TSNARE1: variants seen among roughly 807,000 people sequenced by gnomAD.
The protein encoded by TSNARE1 is t-SNARE domain containing 1.
Under a neutral mutation model 62.0 loss-of-function variants are expected in TSNARE1, and 49 were observed. The ratio of observed to expected loss-of-function variants is 0.79; its 90% confidence interval spans 0.63 to 1.00. TSNARE1 has a LOEUF of 1.00. TSNARE1 is among the 50% of genes least tolerant of loss of function. The pLI, the probability that TSNARE1 is intolerant of heterozygous loss-of-function variation, is 0.00. For synonymous variants in TSNARE1, 328 were observed against 294.4 expected, an observed-to-expected ratio of 1.11 and a Z score of -1.17; for missense variants, 755 against 700.1, an observed-to-expected ratio of 1.08 and a Z score of -0.88.
At chr8:142,304,834 G>C (rs898935941) in intron 9 of TSNARE1, among the ~76,000 whole-genome samples, 1 of 152,200 alleles carries the variant, frequency 6.6e-6, no homozygotes, top group Non-Finnish European at 1.5e-5. Context: ...TCCTCCCAGG[G>C]GGGACATGGC....
chr8:142,275,194 G>A, intron 11 of TSNARE1: 1 of 985,418 alleles, frequency 1.0e-6, no homozygotes, highest in Non-Finnish European at 1.2e-6. Context: ...GCTCTGTCAT[G>A]ACCTTGCCTG....
chr8:142,222,291 C>CA (rs1235562643), intron 13 of TSNARE1, among the ~76,000 whole-genome samples: 487 of 23,734 alleles, frequency 0.021, 153 homozygotes, highest in Non-Finnish European at 0.031. Context: ...CTCATTCACT[C>CA]TCACTCATTC....
chr8:142,330,157 A>G (rs1830806241), intron 6 of TSNARE1, among the ~76,000 whole-genome samples: 1 of 152,234 alleles, frequency 6.6e-6, no homozygotes, highest in African/African-American at 2.4e-5. Context: ...AGGGCGGGAC[A>G]CAGGCCAGCA....
chr8:142,399,705 A>G (rs1458303268), intron 1 of TSNARE1, among the ~76,000 whole-genome samples: 1 of 152,194 alleles, frequency 6.6e-6, no homozygotes, highest in Non-Finnish European at 1.5e-5. Context: ...GACAGGGCTG[A>G]GCATCCCAGC....
chr8:142,270,960 T>G, intron 12 of TSNARE1: 1 of 985,506 alleles, frequency 1.0e-6, no homozygotes, highest in Non-Finnish European at 1.2e-6. Context: ...TCCGGTCTCC[T>G]GGACTGGAGT....
intron 5 of TSNARE1, among the ~76,000 whole-genome samples, chr8:142,331,545 A>C (rs1182590013): frequency 6.6e-6 from 1 of 152,126 alleles, no homozygotes; most frequent in Non-Finnish European, 1.5e-5. Context: ...CCACCCATGA[A>C]ACCCGGGACT....
chr8:142,247,235 C>T (rs1019665101), intron 12 of TSNARE1, among the ~76,000 whole-genome samples: 1 of 152,194 alleles, frequency 6.6e-6, no homozygotes, highest in Non-Finnish European at 1.5e-5. Context: ...ATGAGAACGG[C>T]TGCCTGGACT....
At chr8:142,356,593 G>C (rs1314668338) in intron 1 of TSNARE1, among the ~76,000 whole-genome samples, 3 of 152,222 alleles carry the variant, frequency 2.0e-5, no homozygotes, top group Admixed American at 2.0e-4. Flanking sequence ...CAGCGTGGAG[G>C]AAACAGACAC....
intron 9 of TSNARE1, among the ~76,000 whole-genome samples, chr8:142,311,544 A>G (rs12678581): frequency 0.54 from 81,657 of 151,188 alleles, 23,376 homozygotes; most frequent in African/African-American, 0.74. Flanking sequence ...TGATCCACCC[A>G]CCTCGGCCTC....
intron 11 of TSNARE1, chr8:142,277,070 CTCCAATACCTCA>C: frequency 1.0e-6 from 1 of 985,384 alleles, no homozygotes; most frequent in Non-Finnish European, 1.2e-6. Flanking sequence ...CTGAGCGACA[CTCCAATACCTCA>C]TCAGCCATCA....
chr8:142,344,686 G>A (rs995321004), intron 3 of TSNARE1, among the ~76,000 whole-genome samples: 1 of 152,186 alleles, frequency 6.6e-6, no homozygotes, highest in Non-Finnish European at 1.5e-5. Flanking sequence ...CAGCAAGCAC[G>A]TAGCTTCTGG....
At chr8:142,236,513 C>T (rs1817432313) in intron 12 of TSNARE1, among the ~76,000 whole-genome samples, 1 of 149,182 alleles carries the variant, frequency 6.7e-6, no homozygotes, top group African/African-American at 2.4e-5. Context: ...CAAGTTGGCC[C>T]CCCTCCCCTG....
intron 1 of TSNARE1, among the ~76,000 whole-genome samples, chr8:142,365,380 T>C (rs1292126456): frequency 6.6e-6 from 1 of 152,230 alleles, no homozygotes; most frequent in Non-Finnish European, 1.5e-5. Flanking sequence ...TTCATGTTAC[T>C]AAAAAGGACG....
intron 10 of TSNARE1, among the ~76,000 whole-genome samples, chr8:142,293,886 G>A (rs1329643251): frequency 2.0e-5 from 3 of 152,204 alleles, no homozygotes; most frequent in Non-Finnish European, 4.4e-5. Context: ...CGGGAGAGGA[G>A]GGGCCACACT....
chr8:142,344,010 C>CA lies in TSNARE1; in HGVS notation c.700dup (p.Cys234LeufsTer57). 6.4e-7 allele frequency: 1 copy of CA among 1,555,608 alleles called. No individual in the cohort carries two copies. Among genetic ancestry groups the CA allele is most frequent in the Non-Finnish European group, 8.7e-7 (1 of 1,149,314 alleles). On this transcript the variant is annotated frameshift_variant, in exon 4 of 14. Transcript: ENST00000524325. LOFTEE classifies it high-confidence loss of function. Reference sequence around the variant, plus strand: ...GAAGCCCTCGGAGGGCAGGGCCTGGCAAGAGAAGGTCTTGGCCACCACCTG... The same window carrying CA: ...GAAGCCCTCGGAGGGCAGGGCCTGGCAAAGAGAAGGTCTTGGCCACCACCTG...
At chr8:142,374,892 T>A (rs1339353925) in intron 1 of TSNARE1, among the ~76,000 whole-genome samples, 2 of 151,830 alleles carry the variant, frequency 1.3e-5, no homozygotes, top group Non-Finnish European at 1.5e-5. Flanking sequence ...CCCACACACA[T>A]CCAACTGCTG....
chr8:142,274,447 C>T, intron 12 of TSNARE1: 2 of 985,498 alleles, frequency 2.0e-6, no homozygotes, highest in Non-Finnish European at 1.2e-6. Context: ...CACTGAGCTG[C>T]ATGTCAGCAT....
intron 1 of TSNARE1, among the ~76,000 whole-genome samples, chr8:142,362,352 T>C (rs1835228058): frequency 6.6e-6 from 1 of 152,204 alleles, no homozygotes; most frequent in Admixed American, 6.5e-5. Flanking sequence ...TTGACAGCAG[T>C]AGGTCACCTC....
intron 12 of TSNARE1, among the ~76,000 whole-genome samples, chr8:142,240,162 A>T (rs1817614324): frequency 6.6e-6 from 1 of 152,242 alleles, no homozygotes; most frequent in African/African-American, 2.4e-5. Flanking sequence ...AGGAAAATAT[A>T]TGATGAAAAC....
Sources: gnomAD v4.1 joint callset for allele counts (sites outside exome capture counted in the v4.1 genomes callset) on GRCh38, gnomAD v4.1.1 for gene constraint, MANE v1.5 for transcripts, NCBI Gene and HGNC (gene_info 2026-07-23, HGNC 2026-07-21) for gene names.